Variants in NLGN1 observed in about 807,000 individuals in gnomAD.
The protein encoded by NLGN1 is neuroligin 1, also known as neuroligin-1.
NLGN1 carries 12 observed loss-of-function variants against 65.5 expected under a neutral mutation model. The ratio of observed to expected loss-of-function variants is 0.18; its 90% CI spans 0.12 to 0.30. NLGN1 has a LOEUF of 0.30. NLGN1 is among the 10% of genes least tolerant of loss of function. The pLI is 1.00. For synonymous variants in NLGN1, 350 were observed against 359.5 expected (o/e 0.97, Z 0.30); for missense variants, 750 against 1,007.1 (o/e 0.74, Z 3.46).
At chr3:174,229,384 T>C (rs1740286965) in intron 4 of NLGN1, among the ~76,000 whole-genome samples, 1 of 152,118 alleles carries the variant, frequency 6.6e-6, no homozygotes, top group South Asian at 2.1e-4. Flanking sequence ...ACCTCACTCA[T>C]ATAATATACA....
intron 4 of NLGN1, among the ~76,000 whole-genome samples, chr3:174,184,155 A>G (rs759970447): frequency 2.2e-4 from 34 of 152,190 alleles, no homozygotes; most frequent in Non-Finnish European, 4.6e-4. Flanking sequence ...TAGACAAAAA[A>G]TATGCAGTAA....
intron 4 of NLGN1, among the ~76,000 whole-genome samples, chr3:174,200,117 C>G (rs182856663): frequency 7.9e-5 from 12 of 152,296 alleles, no homozygotes; most frequent in Admixed American, 6.5e-5. Flanking sequence ...ACTTCAGCTC[C>G]TTTGCCTCTG....
At chr3:173,449,408 T>A (rs1721041945) in intron 2 of NLGN1, among the ~76,000 whole-genome samples, 1 of 152,172 alleles carries the variant, frequency 6.6e-6, no homozygotes, top group Non-Finnish European at 1.5e-5. Context: ...TCTAGTTTGA[T>A]TGCACTGTGG....
intron 2 of NLGN1, among the ~76,000 whole-genome samples, chr3:173,451,961 T>C (rs977045264): frequency 1.3e-5 from 2 of 152,182 alleles, no homozygotes; most frequent in African/African-American, 4.8e-5. Flanking sequence ...ATCTGTCACC[T>C]GTTTCTTTGA....
chr3:173,451,843 T>A (rs941757710), intron 2 of NLGN1, among the ~76,000 whole-genome samples: 4 of 152,136 alleles, frequency 2.6e-5, no homozygotes, highest in Admixed American at 6.5e-5. Flanking sequence ...TCCGTGGGCG[T>A]AGGACCCTCT....
intron 4 of NLGN1, chr3:174,180,974 G>T (rs1204525874): frequency 1.3e-5 from 2 of 152,134 alleles, no homozygotes; most frequent in Non-Finnish European, 2.9e-5. Flanking sequence ...TGATTGGAAT[G>T]CAGAGAAATC....
At chr3:173,424,408 C>T (rs1257231837) in intron 1 of NLGN1, among the ~76,000 whole-genome samples, 1 of 152,158 alleles carries the variant, frequency 6.6e-6, no homozygotes, top group Admixed American at 6.5e-5. Flanking sequence ...TCTTTTCTAC[C>T]ACATGGTCAG....
At chr3:173,908,560 C>T (rs563411206) in intron 4 of NLGN1, among the ~76,000 whole-genome samples, 26 of 151,986 alleles carry the variant, frequency 1.7e-4, no homozygotes, top group African/African-American at 6.3e-4. Flanking sequence ...CTATCCCCAT[C>T]ACCCCACACT....
At chr3:173,550,887 G>T (rs1195817147) in intron 2 of NLGN1, among the ~76,000 whole-genome samples, 1 of 152,106 alleles carries the variant, frequency 6.6e-6, no homozygotes, top group African/African-American at 2.4e-5. Context: ...CATTGTATAA[G>T]GGATACATTT....
At chr3:174,221,344 A>G (rs909552262) in intron 4 of NLGN1, among the ~76,000 whole-genome samples, 7 of 152,104 alleles carry the variant, frequency 4.6e-5, no homozygotes, top group Non-Finnish European at 1.0e-4. Context: ...AAAAACCATC[A>G]GCACCAGCAC....
chr3:174,098,224 C>G (rs907444745), intron 4 of NLGN1, among the ~76,000 whole-genome samples: 2 of 152,122 alleles, frequency 1.3e-5, no homozygotes, highest in Non-Finnish European at 2.9e-5. Flanking sequence ...ATTTGCCTCC[C>G]GAACATTTTT....
chr3:174,069,810 G>A (rs1402858448), intron 4 of NLGN1, among the ~76,000 whole-genome samples: 1 of 152,186 alleles, frequency 6.6e-6, no homozygotes, highest in African/African-American at 2.4e-5. Flanking sequence ...AATCAGTAAA[G>A]TGGGTATTAG....
intron 4 of NLGN1, among the ~76,000 whole-genome samples, chr3:173,958,906 G>C (rs954024984): frequency 6.6e-6 from 1 of 152,210 alleles, no homozygotes; most frequent in Non-Finnish European, 1.5e-5. Context: ...TGTCACGTCA[G>C]TACTGCCCTG....
In NLGN1 at chr3:173,539,815, CATATGTTATATATGTAT is replaced by C. The variant is rs1482642655; in HGVS notation, c.-320-64450_-320-64434del. Among the ~76,000 whole-genome samples the C allele has an allele frequency of 2.3e-5, 3 of 131,526 alleles. No homozygotes were observed. The East Asian group carries it at 6.3e-4, about 27-fold the overall frequency. The allele number at this position is 131,526 out of a possible 152,430, so 86.3% of individuals were successfully genotyped here. A position where few individuals can be genotyped will look rare whatever the true frequency, so the allele number is the denominator to read the frequency against. The stretch of plus-strand genomic sequence containing the variant: ...ATATATACATATATATACATATATA[CATATGTTATATATGTAT>C]ATATGTTATATATATTATATGTTAT... On this transcript the variant is annotated intron_variant, in intron 2 of 6. Coordinates refer to ENST00000457714, the Ensembl canonical transcript of NLGN1.
In NLGN1 at chr3:173,566,530, T is replaced by C. The variant is rs947346577; in HGVS notation, c.-320-37749T>C. ...ATTTGGAAAAAAAATATTTCCTTTC[T>C]GAAATATTCTCGCTCTCTGCCCCAT... On this transcript the variant is annotated intron_variant, in intron 2 of 6. Transcript: ENST00000457714. Among the ~76,000 whole-genome samples, 5 of 152,224 alleles carry C rather than the reference T, an allele frequency of 3.3e-5. No homozygotes were observed. The East Asian group carries it at 9.6e-4, about 29-fold the overall frequency.
intron 3 of NLGN1, among the ~76,000 whole-genome samples, chr3:173,708,303 C>G (rs1768376106): frequency 6.6e-6 from 1 of 152,164 alleles, no homozygotes; most frequent in African/African-American, 2.4e-5. Flanking sequence ...CCGACCTTGG[C>G]TGAAGAGCAG....
chr3:174,225,937 C>T (rs962552820), intron 4 of NLGN1, among the ~76,000 whole-genome samples: 2 of 151,440 alleles, frequency 1.3e-5, no homozygotes, highest in Non-Finnish European at 2.9e-5. Context: ...GCAGAAATAC[C>T]CATATAACAT....
intron 3 of NLGN1, among the ~76,000 whole-genome samples, chr3:173,736,862 CTATA>C (rs1773855815): frequency 6.6e-6 from 1 of 151,928 alleles, no homozygotes; most frequent in African/African-American, 2.4e-5. Flanking sequence ...TAAATTAAAA[CTATA>C]TACATTTGCA....
In NLGN1 at chr3:173,709,515, G is replaced by T. The variant is rs116213474; in HGVS notation, c.494-98165G>T. Among the ~76,000 whole-genome samples the T allele has an allele frequency of 3.4e-3, 516 of 152,076 alleles. 3 individuals carry two copies. The highest frequency in any genetic ancestry group is 0.012 in the African/African-American group (489 of 41,496). On this transcript the variant is annotated intron_variant, in intron 3 of 6. Transcript: ENST00000457714. Reference sequence around the variant, plus strand: ...TCTAGGAAAGCATAAGAAACATCAAGAACCAGCCGGGCACAGTGGCTCACG... The same window carrying T: ...TCTAGGAAAGCATAAGAAACATCAATAACCAGCCGGGCACAGTGGCTCACG...
Sources: allele counts gnomAD v4.1 joint callset (sites outside exome capture counted in the v4.1 genomes callset), GRCh38; gene constraint gnomAD v4.1.1; transcripts MANE v1.5; gene names NCBI Gene and HGNC (gene_info 2026-07-23, HGNC 2026-07-21).